The following STIL variants were observed in gnomAD, a reference collection of about 807,000 sequenced individuals.
The protein encoded by STIL is STIL centriolar assembly protein, also known as SCL-interrupting locus protein.
In STIL, 55 loss-of-function variants were observed where a neutral mutation model predicts 110.1. The ratio of observed to expected loss-of-function variants is 0.50; its 90% CI spans 0.40 to 0.63. The LOEUF (loss-of-function observed/expected upper bound fraction) is 0.63, where lower values mean the gene tolerates loss of function less well. Ranked by LOEUF, STIL falls within the 20% of genes least tolerant of loss-of-function variation. The pLI is 0.00. For missense variants in STIL, 1,358 were observed against 1,530.0 expected, an observed-to-expected ratio of 0.89 and a Z score of 1.87; for synonymous variants, 481 against 530.0, an observed-to-expected ratio of 0.91 and a Z score of 1.27.
intron 2 of STIL, 153 bp from the exon 3 acceptor site, chr1:47,305,149 A>T (rs1645917947): frequency 9.9e-6 from 6 of 608,194 alleles, no homozygotes; most frequent in Middle Eastern, 4.4e-4. Context: ...TTTTTGAGAC[A>T]AAGTCTCACT....
intron 1 of STIL, among the ~76,000 whole-genome samples, chr1:47,310,732 A>T (rs111260582): frequency 2.1e-4 from 32 of 152,344 alleles, no homozygotes; most frequent in African/African-American, 7.5e-4. Context: ...AGCAGCAGAA[A>T]AAAATGATTT....
Position 47,260,534 on chromosome 1 carries a change from T to C in STIL, c.2835A>G (p.Gln945=). ...AGGAACTATTTAATAGGTGGTTTAC[T>C]TGACCCTGACAAAAAGAAAAAAAAT... The part of the protein sequence containing the change: ...NQKIYQDLLG[Q]VNHLLNSSSK... The change falls in exon 16 of 17, where the codon CAA becomes CAG. Residue 945 remains glutamine (Q), a synonymous_variant. Coordinates refer to ENST00000371877, the MANE Select transcript of STIL (RefSeq NM_001048166.1). 4 of 1,614,170 alleles carry C rather than the reference T, an allele frequency of 2.5e-6. No homozygotes were observed. The highest frequency in any genetic ancestry group is 3.4e-6 in the Non-Finnish European group (4 of 1,180,022).
chr1:47,289,385 G>C (rs1194081728), intron 9 of STIL, 50 bp downstream of exon 9: 1 of 1,563,530 alleles, frequency 6.4e-7, no homozygotes, highest in Non-Finnish European at 8.8e-7. Context: ...AACTGCCAAA[G>C]TGCAAAACCC....
intron 14 of STIL, among the ~76,000 whole-genome samples, chr1:47,265,249 A>AAAAAAAAC (rs1553170557): frequency 8.7e-5 from 13 of 150,222 alleles, no homozygotes; most frequent in Non-Finnish European, 5.9e-5. Flanking sequence ...AAAAAAAAAA[A>AAAAAAAAC]AAAAAAAAAA....
At chr1:47,270,320 T>G (rs1287020412) in intron 13 of STIL, among the ~76,000 whole-genome samples, 1 of 148,154 alleles carries the variant, frequency 6.7e-6, no homozygotes, top group East Asian at 2.0e-4. Flanking sequence ...GTTTTTAGAT[T>G]ATATTTCCTC....
At position 47,262,965 on chromosome 1, in the gene STIL, G is replaced by A. The variant is rs754557215; in HGVS notation, c.2767C>T (p.His923Tyr). ...SETSEEPKIE[H>Y]VMQPLLHQPS... Reference sequence around the variant, plus strand: ...TGATGAAGCAAGGGTTGCATTACATGCTCAATTTTTGGTTCCTCTGATGTT... The same window carrying A: ...TGATGAAGCAAGGGTTGCATTACATACTCAATTTTTGGTTCCTCTGATGTT... The change falls in exon 15 of 17, where the codon CAT (histidine) becomes TAT (tyrosine). Residue 923 changes from histidine (H) to tyrosine (Y), a missense_variant. Physicochemically the swap from His to Tyr is moderately conservative, Grantham distance 83. Coordinates refer to ENST00000371877, the MANE Select transcript of STIL (RefSeq NM_001048166.1). The A allele has an allele frequency of 4.3e-6, 7 of 1,614,116 alleles. No individual in the cohort carries two copies. In the South Asian group the frequency reaches 7.7e-5, roughly 18 times the overall value.
rs937890078 is a variant in STIL at position 47,251,227 on chromosome 1, G to T, written c.3776C>A (p.Pro1259His). 5 of 1,611,142 alleles carry T rather than the reference G, an allele frequency of 3.1e-6. No individual in the cohort carries two copies. The highest frequency in any genetic ancestry group is 1.6e-4 in the Middle Eastern group (1 of 6,072). Reference protein sequence around the residue: ...DITIFPESLQPSETLKQMNSM... With the variant: ...DITIFPESLQHSETLKQMNSM... The stretch of plus-strand genomic sequence containing the variant: ...ATTCATCTGCTTTAGCGTTTCAGAA[G>T]GTTGCAAACTTTCAGGAAAAATTGT... The change falls in exon 17 of 17, where the codon CCT (proline) becomes CAT (histidine). Residue 1259 changes from proline to histidine, a missense_variant. By Grantham distance (77) the Pro-to-His change is moderately conservative. Coordinates refer to ENST00000371877, the MANE Select transcript of STIL (RefSeq NM_001048166.1).
chr1:47,282,483 GA>G (rs762738248), intron 10 of STIL, 24 bp from the exon 11 acceptor site: 21 of 1,440,734 alleles, frequency 1.5e-5, no homozygotes, highest in Non-Finnish European at 2.0e-5. Context: ...GGGGAGACCA[GA>G]AAAGCCTTTG....
Position 47,250,882 on chromosome 1 carries a change from C to T in STIL, c.*254G>A, listed in dbSNP as rs985847464. On this transcript the variant is annotated 3_prime_UTR_variant, in exon 17 of 17. Coordinates refer to ENST00000371877, the MANE Select transcript of STIL (RefSeq NM_001048166.1). ...AGAGCTGGATAGTATCTGTCTACTA[C>T]TTAAACTTGTAGGAATAACTGATCT... 1 of 466,540 alleles carries T rather than the reference C, an allele frequency of 2.1e-6. No individual in the cohort carries two copies. The highest frequency in any genetic ancestry group is 2.0e-5 in the African/African-American group (1 of 51,066). The allele number at this position is 466,540 out of a possible 1,614,324, so 28.9% of individuals were successfully genotyped here. A position where few individuals can be genotyped will look rare whatever the true frequency, so the allele number is the denominator to read the frequency against.
chr1:47,277,214 G>A (rs1177756650), intron 12 of STIL, among the ~76,000 whole-genome samples: 1 of 152,110 alleles, frequency 6.6e-6, no homozygotes, highest in African/African-American at 2.4e-5. Flanking sequence ...ACCAAAAGCT[G>A]AAGAACCTAA....
intron 7 of STIL, among the ~76,000 whole-genome samples, chr1:47,294,858 G>A (rs1645596443): frequency 6.6e-6 from 1 of 152,224 alleles, no homozygotes; most frequent in African/African-American, 2.4e-5. Flanking sequence ...ATGAGTGGTA[G>A]TGAGAGAATA....
chr1:47,265,481 T>C (rs576650872), intron 14 of STIL, among the ~76,000 whole-genome samples: 1 of 151,408 alleles, frequency 6.6e-6, no homozygotes, highest in East Asian at 2.0e-4. Flanking sequence ...TTTTAATTAC[T>C]TTTTTTGAAA....
At chr1:47,284,861 G>C (rs1461216470) in intron 10 of STIL, among the ~76,000 whole-genome samples, 1 of 151,268 alleles carries the variant, frequency 6.6e-6, no homozygotes, top group African/African-American at 2.4e-5. Flanking sequence ...CTGTACTCCA[G>C]CCTGGGTGAC....
At chr1:47,305,876 C>T (rs188537541) in intron 2 of STIL, among the ~76,000 whole-genome samples, 51 of 151,680 alleles carry the variant, frequency 3.4e-4, no homozygotes, top group African/African-American at 1.2e-3. Context: ...GGATTACAGG[C>T]GCCTGCCACC....
intron 2 of STIL, among the ~76,000 whole-genome samples, chr1:47,307,470 T>C (rs1645994974): frequency 6.6e-6 from 1 of 152,170 alleles, no homozygotes. Flanking sequence ...TAAACATAAA[T>C]TGTAAAGATT....
chr1:47,284,644 C>G (rs1570174409), intron 10 of STIL, among the ~76,000 whole-genome samples: 1 of 152,150 alleles, frequency 6.6e-6, no homozygotes, highest in East Asian at 1.9e-4. Context: ...AATCCCAGCA[C>G]TTTGGGAGGC....
intron 8 of STIL, among the ~76,000 whole-genome samples, chr1:47,291,922 A>G (rs1645501676): frequency 6.6e-6 from 1 of 151,852 alleles, no homozygotes; most frequent in African/African-American, 2.4e-5. Flanking sequence ...CAGTGGCACA[A>G]TCATGGCTTA....
At chr1:47,291,337 G>A (rs1178888988) in intron 8 of STIL, among the ~76,000 whole-genome samples, 1 of 151,256 alleles carries the variant, frequency 6.6e-6, no homozygotes, top group Non-Finnish European at 1.5e-5. Context: ...CTCCAGCCTG[G>A]GCGACAGAGC....
intron 6 of STIL, among the ~76,000 whole-genome samples, chr1:47,298,223 G>A (rs1645697824): frequency 6.6e-6 from 1 of 152,200 alleles, no homozygotes; most frequent in Non-Finnish European, 1.5e-5. Flanking sequence ...AACTAGGGTG[G>A]AGTCACTGGG....
Sources: allele counts gnomAD v4.1 joint callset (sites outside exome capture counted in the v4.1 genomes callset), GRCh38; gene constraint gnomAD v4.1.1; transcripts MANE v1.5; gene names NCBI Gene and HGNC (gene_info 2026-07-23, HGNC 2026-07-21).